MAK16: variants seen among roughly 807,000 people sequenced by gnomAD.
MAK16 encodes the protein MAK16 homolog, also known as protein MAK16 homolog.
In MAK16, 12 loss-of-function variants were observed where a neutral mutation model predicts 49.9. The ratio of observed to expected loss-of-function variants is 0.24; its 90% CI spans 0.15 to 0.39. The LOEUF is 0.39. Among genes scored for constraint, MAK16 ranks in the 10% least tolerant of loss-of-function variants. The pLI, the probability that MAK16 is intolerant of heterozygous loss-of-function variation, is 1.00. For synonymous variants in MAK16, 115 were observed against 126.4 expected (o/e 0.91, Z 0.60); for missense variants, 292 against 363.7 (o/e 0.80, Z 1.60).
At chr8:33,485,246 C>T (rs1808667047) in intron 1 of MAK16, 25 bp downstream of exon 1, 1 of 1,614,224 alleles carries the variant, frequency 6.2e-7, no homozygotes, top group East Asian at 2.2e-5. Flanking sequence ...GTTGTTCTTA[C>T]ACCCGGGGTT....
In MAK16 at chr8:33,498,787, A is replaced by T. The variant is rs769868219; in HGVS notation, c.*158A>T. On this transcript the variant is annotated 3_prime_UTR_variant, in exon 10 of 10. Transcript: ENST00000360128. ...ATTTATGCCACGTCAGTGGGGCAAG[A>T]AATCTGGAGTGAGTGAAGAAAGCTA... 1.5e-6 allele frequency: 1 copy of T among 674,878 alleles called. No individual in the cohort carries two copies. 41.8% of individuals were successfully genotyped at this position (674,878 alleles called of 1,614,324 possible).
intron 9 of MAK16, among the ~76,000 whole-genome samples, chr8:33,497,913 T>C (rs1489355380): frequency 6.6e-6 from 1 of 151,432 alleles, no homozygotes; most frequent in Non-Finnish European, 1.5e-5. Flanking sequence ...CTGGCCAACA[T>C]AGCAAAACCC....
Position 33,498,550 on chromosome 8 carries a change from C to A in MAK16, c.824C>A (p.Pro275Gln), listed in dbSNP as rs766784178. 3.1e-6 allele frequency: 5 copies of A among 1,613,914 alleles called. No individual in the cohort carries two copies. The East Asian group carries it at 8.9e-5, about 29-fold the overall frequency. Residue 275 changes from proline to glutamine, a missense_variant, in exon 10 of 10, where the codon CCA becomes CAA. Physicochemically the swap from Pro to Gln is moderately conservative, Grantham distance 76 (BLOSUM62 -1). Coordinates refer to ENST00000360128, the MANE Select transcript of MAK16 (RefSeq NM_032509.4). ...KHKGKMPLRGPLQRKRAYVEI... is the reference protein window; with the variant it reads ...KHKGKMPLRGQLQRKRAYVEI... Reference sequence around the variant, plus strand: ...AAAGGCAAAATGCCCTTGAGAGGACCACTGCAGAGAAAACGAGCCTATGTG... The same window carrying A: ...AAAGGCAAAATGCCCTTGAGAGGACAACTGCAGAGAAAACGAGCCTATGTG...
rs1041642470 is a variant in MAK16, at chr8:33,498,947, C to T, written c.*318C>T. The T allele has an allele frequency of 2.2e-5, 13 of 587,464 alleles. No individual in the cohort carries two copies. The highest frequency in any genetic ancestry group is 3.7e-5 in the African/African-American group (2 of 53,522). 36.4% of individuals were successfully genotyped at this position (587,464 alleles called of 1,614,324 possible). ...TTTCTAAATTTTAAATGCTACATTA[C>T]TTGGTGTCCTTTTTTCTCCCAAACT... On this transcript the variant is annotated 3_prime_UTR_variant, in exon 10 of 10. Coordinates refer to ENST00000360128, the MANE Select transcript of MAK16 (RefSeq NM_032509.4).
At chr8:33,495,443 A>T in intron 6 of MAK16, 99 bp from the exon 7 acceptor site, 1 of 982,252 alleles carries the variant, frequency 1.0e-6, no homozygotes, top group Non-Finnish European at 1.5e-6. Context: ...AAATAATTAC[A>T]TTGTCTTTCT....
chr8:33,497,223 T>C lies in MAK16; in HGVS notation c.640-9T>C, dbSNP rs1808878250. 1 of 1,601,230 alleles carries C rather than the reference T, an allele frequency of 6.2e-7. No homozygotes were observed. The highest frequency in any genetic ancestry group is 1.3e-5 in the African/African-American group (1 of 74,500). ...TATTCTGAACCTAACAGTTATGTTT[T>C]ATTTATAGGATGTGGGGAAAAGAGA... On this transcript the variant is annotated splice_polypyrimidine_tract_variant and intron_variant, in intron 8 of 9. Transcript: ENST00000360128.
At position 33,488,810 on chromosome 8, in the gene MAK16, A is replaced by G. The variant is rs371686136; in HGVS notation, c.240+12A>G. On this transcript the variant is annotated intron_variant, in intron 4 of 9. Transcript: ENST00000360128. ...GTCTCTGGGAACGGGTAAGCCTTACAACAAAACTACAGTGACCGCTGATCA... is the reference window on the plus strand; with the variant it reads ...GTCTCTGGGAACGGGTAAGCCTTACGACAAAACTACAGTGACCGCTGATCA... 1 of 1,614,076 alleles carries G rather than the reference A, an allele frequency of 6.2e-7. No homozygotes were observed. The highest frequency in any genetic ancestry group is 8.5e-7 in the Non-Finnish European group (1 of 1,179,918).
intron 6 of MAK16, among the ~76,000 whole-genome samples, chr8:33,493,645 C>T (rs781770681): frequency 6.2e-4 from 94 of 152,012 alleles, no homozygotes; most frequent in Non-Finnish European, 9.3e-4. Context: ...AGTTATGGAG[C>T]GGCTTTTTTT....
Position 33,488,387 on chromosome 8 carries a change from G to A in MAK16, c.25G>A (p.Asp9Asn), listed in dbSNP as rs757448029. MQSDDVIW[D>N]TLGNKQFCSF... ...TTACTTTGTCTTGCAGGTTATCTGGGATACACTAGGAAACAAGCAATTTTG... is the reference window on the plus strand; with the variant it reads ...TTACTTTGTCTTGCAGGTTATCTGGAATACACTAGGAAACAAGCAATTTTG... The change falls in exon 2 of 10, where the codon GAT becomes AAT. Residue 9 changes from aspartate (D) to asparagine (N), a missense_variant. Coordinates refer to ENST00000360128, the MANE Select transcript of MAK16 (RefSeq NM_032509.4). The A allele has an allele frequency of 2.5e-6, 4 of 1,614,172 alleles. No homozygotes were observed. The highest frequency in any genetic ancestry group is 2.5e-6 in the Non-Finnish European group (3 of 1,180,038).
chr8:33,488,290 A>G lies in MAK16; in HGVS notation c.16-88A>G, dbSNP rs115761571. ...ATTTTACAAAACATTTCTTCCTCTCATTCCTGTCCTTGGGCATTGCCTTCT... is the reference window on the plus strand; with the variant it reads ...ATTTTACAAAACATTTCTTCCTCTCGTTCCTGTCCTTGGGCATTGCCTTCT... On this transcript the variant is annotated intron_variant, in intron 1 of 9. Transcript: ENST00000360128. 4,056 of 1,339,400 alleles carry G rather than the reference A, an allele frequency of 3.0e-3. 126 individuals carry two copies. In the African/African-American group the frequency reaches 0.051, roughly 17 times the overall value. 83.0% of individuals were successfully genotyped at this position (1,339,400 alleles called of 1,614,324 possible).
intron 8 of MAK16, 71 bp from the exon 9 acceptor site, chr8:33,497,161 G>T: frequency 8.9e-7 from 1 of 1,117,632 alleles, no homozygotes; most frequent in Non-Finnish European, 1.3e-6. Context: ...ATGTTATTTT[G>T]TACTTACTTA....
intron 1 of MAK16, among the ~76,000 whole-genome samples, chr8:33,487,839 G>A (rs1298615002): frequency 6.6e-6 from 1 of 152,224 alleles, no homozygotes; most frequent in East Asian, 1.9e-4. Flanking sequence ...TTACAGAATA[G>A]TAATGAAATT....
rs562624934 is a variant in MAK16, at chr8:33,499,429, G to T, written c.*800G>T. 2.4e-5 allele frequency: 15 copies of T among 623,136 alleles called. No homozygotes were observed. Among genetic ancestry groups the T allele is most frequent in the East Asian group, 1.4e-4 (5 of 34,834 alleles). 38.6% of individuals were successfully genotyped at this position (623,136 alleles called of 1,614,324 possible). On this transcript the variant is annotated 3_prime_UTR_variant, in exon 10 of 10. Transcript: ENST00000360128. ...CACTAAGCAGAATAGGTATTAGTTG[G>T]TTTTTTATTATTTTTAAATTTATAT...
intron 6 of MAK16, among the ~76,000 whole-genome samples, chr8:33,492,048 C>T (rs1808787149): frequency 6.7e-6 from 1 of 150,040 alleles, no homozygotes. Flanking sequence ...CTCATTCTGT[C>T]ACCCAGGCTG....
Position 33,490,211 on chromosome 8 carries a change from C to T in MAK16, c.393-74C>T, listed in dbSNP as rs190313116. On this transcript the variant is annotated intron_variant, in intron 5 of 9. Transcript: ENST00000360128. ...TCCATTTTAGTCACCAATTCCAATC[C>T]TTTTTTCTTCTCATCCTTAAAAAGG... The T allele has an allele frequency of 3.6e-5, 47 of 1,294,520 alleles. No individual in the cohort carries two copies. In the Admixed American group the frequency reaches 6.9e-4, roughly 19 times the overall value. 80.2% of individuals were successfully genotyped at this position (1,294,520 alleles called of 1,614,324 possible).
chr8:33,493,803 A>G (rs746427933), intron 6 of MAK16, among the ~76,000 whole-genome samples: 3 of 152,164 alleles, frequency 2.0e-5, no homozygotes, highest in African/African-American at 4.8e-5. Context: ...ATGCATTACA[A>G]TATTCTGTTT....
rs527864407 is a variant in MAK16 at position 33,491,116 on chromosome 8, C to T, written c.447+777C>T. 5.9e-5 allele frequency among the ~76,000 whole-genome samples: 9 copies of T among 152,328 alleles called. No homozygotes were observed. In the South Asian group the frequency reaches 8.3e-4, roughly 14 times the overall value. On this transcript the variant is annotated intron_variant, in intron 6 of 9. Coordinates refer to ENST00000360128, the MANE Select transcript of MAK16 (RefSeq NM_032509.4). ...CATGTTGTTACAAATGACAGAATCT[C>T]ATTCTTTTTAATGGCTGGATAGTAC...
chr8:33,496,794 T>A, intron 8 of MAK16, 53 bp downstream of exon 8: 1 of 1,290,850 alleles, frequency 7.7e-7, no homozygotes, highest in Non-Finnish European at 1.1e-6. Context: ...TGTATAAAAC[T>A]GAGAAACAGA....
At position 33,500,157 on chromosome 8, in the gene MAK16, TAAG is replaced by T; in HGVS notation, c.*1531_*1533del. Reference sequence around the variant, plus strand: ...GTTCTGAATAGCTTTAAAAGATGAATAAGAAAAAAGATCAAGCTCTTTTGAGGC... The same window carrying T: ...GTTCTGAATAGCTTTAAAAGATGAATAAAAAAGATCAAGCTCTTTTGAGGC... On this transcript the variant is annotated 3_prime_UTR_variant, in exon 10 of 10. Transcript: ENST00000360128. 1.5e-6 allele frequency: 1 copy of T among 682,270 alleles called. No individual in the cohort carries two copies. The highest frequency in any genetic ancestry group is 2.4e-6 in the Non-Finnish European group (1 of 413,694). The allele number at this position is 682,270 out of a possible 1,614,324, so 42.3% of individuals were successfully genotyped here.
Sources: allele counts gnomAD v4.1 joint callset (sites outside exome capture counted in the v4.1 genomes callset), GRCh38; gene constraint gnomAD v4.1.1; transcripts MANE v1.5; gene names NCBI Gene and HGNC (gene_info 2026-07-23, HGNC 2026-07-21).